Variants in IQGAP1 observed in about 807,000 individuals in gnomAD.
The protein encoded by IQGAP1 is ras GTPase-activating-like protein IQGAP1.
IQGAP1 carries 66 observed loss-of-function variants against 215.6 expected under a neutral mutation model. The ratio of observed to expected loss-of-function variants is 0.31; its 90% CI spans 0.25 to 0.38. IQGAP1 has a LOEUF of 0.38. IQGAP1 is among the 10% of genes least tolerant of loss of function. The pLI is 1.00. For synonymous variants in IQGAP1, 772 were observed against 728.7 expected, an observed-to-expected ratio of 1.06 and a Z score of -0.96; for missense variants, 1,712 against 1,997.1, an observed-to-expected ratio of 0.86 and a Z score of 2.72.
Position 90,477,786 on chromosome 15 carries a change from G to A in IQGAP1, c.3226G>A (p.Val1076Met), listed in dbSNP as rs1466743729. Residue 1076 changes from valine to methionine, a missense_variant, in exon 26 of 38, where the codon GTG becomes ATG. Val to Met is a conservative substitution (Grantham distance 21). Transcript: ENST00000268182. ...CCTGAGACAGATCTTGGCCCCAGTC[G>A]TGAAGGAAATTATGGATGACAAATC... ...NALRQILAPV[V>M]KEIMDDKSLN... The A allele has an allele frequency of 3.7e-6, 6 of 1,613,886 alleles. No individual in the cohort carries two copies. Among genetic ancestry groups the A allele is most frequent in the Admixed American group, 1.7e-5 (1 of 59,982 alleles).
rs2151042738 is a variant in IQGAP1 at position 90,500,363 on chromosome 15, G to A, written c.*255G>A. On this transcript the variant is annotated 3_prime_UTR_variant, in exon 38 of 38. Coordinates refer to ENST00000268182, the MANE Select transcript of IQGAP1 (RefSeq NM_003870.4). Reference sequence around the variant, plus strand: ...ATTTTCTTCCATTACTTAGGAAAGAGTGGAAACTCCACTAAAATTTCTCTG... The same window carrying A: ...ATTTTCTTCCATTACTTAGGAAAGAATGGAAACTCCACTAAAATTTCTCTG... 1.3e-5 allele frequency: 5 copies of A among 372,450 alleles called. No individual in the cohort carries two copies. In the South Asian group the frequency reaches 1.5e-4, roughly 11 times the overall value. 23.1% of individuals were successfully genotyped at this position (372,450 alleles called of 1,614,324 possible).
chr15:90,492,433 A>AT, intron 34 of IQGAP1, 112 bp from the exon 35 acceptor site: 1 of 821,416 alleles, frequency 1.2e-6, no homozygotes, highest in East Asian at 3.1e-5. Flanking sequence ...AAAAAAAAAA[A>AT]AAAAAAAAGT....
At chr15:90,442,087 G>A (rs1160887410) in intron 8 of IQGAP1, among the ~76,000 whole-genome samples, 4 of 152,084 alleles carry the variant, frequency 2.6e-5, no homozygotes, top group Admixed American at 2.0e-4. Context: ...AATTAATAGT[G>A]CCCTTTGGAA....
intron 1 of IQGAP1, among the ~76,000 whole-genome samples, chr15:90,389,076 A>G (rs903974879): frequency 6.6e-6 from 1 of 152,166 alleles, no homozygotes; most frequent in Non-Finnish European, 1.5e-5. Flanking sequence ...GTTTTATTTT[A>G]TATTGTGGGA....
chr15:90,423,388 C>G (rs550126504), intron 2 of IQGAP1, among the ~76,000 whole-genome samples: 6 of 152,130 alleles, frequency 3.9e-5, no homozygotes, highest in Non-Finnish European at 8.8e-5. Context: ...TGCACACCAC[C>G]ACACTGGCAA....
chr15:90,488,705 A>C (rs1422712011), intron 33 of IQGAP1, among the ~76,000 whole-genome samples: 4 of 152,202 alleles, frequency 2.6e-5, no homozygotes, highest in Admixed American at 6.5e-5. Context: ...AAAGAAGTGG[A>C]ACCGGAGCCA....
At position 90,388,279 on chromosome 15, in the gene IQGAP1, C is replaced by T. The variant is rs1026969552; in HGVS notation, c.-63C>T. On this transcript the variant is annotated 5_prime_UTR_variant, in exon 1 of 38. Coordinates refer to ENST00000268182, the MANE Select transcript of IQGAP1 (RefSeq NM_003870.4). ...CCCGCGCACTTGGCAGGAGCTGTAG[C>T]TACCGCCGTCCGCGCCTCCAAGGTT... 1.9e-6 allele frequency: 3 copies of T among 1,568,388 alleles called. No individual in the cohort carries two copies. Among genetic ancestry groups the T allele is most frequent in the African/African-American group, 1.4e-5 (1 of 71,642 alleles).
At chr15:90,462,248 GCTA>G (rs1377571296) in intron 15 of IQGAP1, among the ~76,000 whole-genome samples, 1 of 152,192 alleles carries the variant, frequency 6.6e-6, no homozygotes, top group Non-Finnish European at 1.5e-5. Context: ...TATACATGTA[GCTA>G]GTAATCAGCT....
At chr15:90,480,342 TC>T (rs1327939584) in intron 26 of IQGAP1, among the ~76,000 whole-genome samples, 5 of 152,142 alleles carry the variant, frequency 3.3e-5, no homozygotes, top group African/African-American at 1.2e-4. Flanking sequence ...CCCTTAGCTT[TC>T]TTCTTTTACT....
chr15:90,460,604 G>A (rs914980591), intron 15 of IQGAP1, among the ~76,000 whole-genome samples: 1 of 152,132 alleles, frequency 6.6e-6, no homozygotes, highest in Non-Finnish European at 1.5e-5. Context: ...TGGAATAGGG[G>A]AGTTTAAAGC....
At chr15:90,444,673 T>A (rs1036585535) in intron 9 of IQGAP1, among the ~76,000 whole-genome samples, 4 of 152,218 alleles carry the variant, frequency 2.6e-5, no homozygotes, top group Admixed American at 6.5e-5. Context: ...TTATTGAAAT[T>A]ATCATTTTGT....
chr15:90,474,021 G>A lies in IQGAP1; in HGVS notation c.2506-43G>A, dbSNP rs1226152703. The A allele has an allele frequency of 8.7e-6, 14 of 1,602,996 alleles. No homozygotes were observed. In the African/African-American group the frequency reaches 1.0e-4, roughly 11 times the overall value. ...TAGGGGCAATTTTGCCATATTTTTG[G>A]TAGACAGATGAACAGAGAAATTTCT... On this transcript the variant is annotated intron_variant, in intron 21 of 37. Transcript: ENST00000268182.
rs1386071848 is a variant in IQGAP1, at chr15:90,439,176, A to G, written c.468-156A>G. Among the ~76,000 whole-genome samples the G allele has an allele frequency of 3.3e-5, 5 of 151,870 alleles. No individual in the cohort carries two copies. The East Asian group carries it at 9.6e-4, about 29-fold the overall frequency. On this transcript the variant is annotated intron_variant, in intron 5 of 37. Coordinates refer to ENST00000268182, the MANE Select transcript of IQGAP1 (RefSeq NM_003870.4). ...AACTAAAAAAAAAAAACTGAGGTAA[A>G]TAGCGTATTGTAACTACAAAGGAGA...
chr15:90,433,752 C>G lies in IQGAP1; in HGVS notation c.424C>G (p.Arg142Gly), dbSNP rs780602986. The G allele has an allele frequency of 1.9e-6, 3 of 1,606,992 alleles. No individual in the cohort carries two copies. The highest frequency in any genetic ancestry group is 2.6e-6 in the Non-Finnish European group (3 of 1,175,510). Residue 142 changes from arginine to glycine, a missense_variant, in exon 5 of 38, where the codon CGA becomes GGA. Arg to Gly is a moderately radical substitution (Grantham distance 125). Transcript: ENST00000268182. ...FYPETTDIYD[R>G]KNMPRCIYCI... ...CCCAGAAACTACAGATATCTATGAT[C>G]GAAAGAACATGCCAAGATGTATCTA... is the stretch of plus-strand genomic sequence containing the variant.
At chr15:90,396,554 A>C (rs1379117690) in intron 2 of IQGAP1, among the ~76,000 whole-genome samples, 1 of 152,128 alleles carries the variant, frequency 6.6e-6, no homozygotes, top group African/African-American at 2.4e-5. Context: ...TGATCCATTC[A>C]TTTATTTATA....
intron 2 of IQGAP1, among the ~76,000 whole-genome samples, chr15:90,395,549 T>A (rs967706117): frequency 2.6e-5 from 4 of 152,198 alleles, no homozygotes; most frequent in African/African-American, 9.7e-5. Flanking sequence ...CTTGATCTCC[T>A]GACCTCGTGA....
intron 29 of IQGAP1, among the ~76,000 whole-genome samples, chr15:90,484,004 T>C (rs1966092665): frequency 6.6e-6 from 1 of 152,214 alleles, no homozygotes; most frequent in Non-Finnish European, 1.5e-5. Flanking sequence ...ATGGTTCTTA[T>C]GGGTAAAACT....
rs751120932 is a variant in IQGAP1 at position 90,491,498 on chromosome 15, G to A, written c.4414G>A (p.Val1472Met). 58 of 1,614,044 alleles carry A rather than the reference G, an allele frequency of 3.6e-5. No individual in the cohort carries two copies. The highest frequency in any genetic ancestry group is 1.6e-4 in the Middle Eastern group (1 of 6,082). ...GLKKLTELGTVDPKNKYQELI... is the reference protein window; with the variant it reads ...GLKKLTELGTMDPKNKYQELI... ...AAAGAAGCTAACAGAGCTTGGAACC[G>A]TGGACCCAAAGAACAAATACCAGGA... Residue 1472 changes from valine (V) to methionine (M), a missense_variant, in exon 34 of 38, where the codon GTG (valine) becomes ATG (methionine). Physicochemically the swap from Val to Met is conservative, Grantham distance 21. Coordinates refer to ENST00000268182, the MANE Select transcript of IQGAP1 (RefSeq NM_003870.4).
chr15:90,436,039 CCT>C (rs1263691671), intron 5 of IQGAP1, among the ~76,000 whole-genome samples: 1 of 150,102 alleles, frequency 6.7e-6, no homozygotes, highest in Non-Finnish European at 1.5e-5. Context: ...AAAAATACTA[CCT>C]CTCTGTCTCC....
Sources: allele counts gnomAD v4.1 joint callset (sites outside exome capture counted in the v4.1 genomes callset), GRCh38; gene constraint gnomAD v4.1.1; transcripts MANE v1.5; gene names NCBI Gene and HGNC (gene_info 2026-07-23, HGNC 2026-07-21).